Variants in SMARCA2 observed in about 807,000 individuals in gnomAD.
SMARCA2 encodes the protein SWI/SNF-related matrix-associated actin-dependent regulator of chromatin subfamily A member 2.
SMARCA2 carries 61 observed loss-of-function variants against 199.8 expected under a neutral mutation model. That is an observed-to-expected ratio of 0.31 (90% confidence interval 0.25 to 0.38). The LOEUF (loss-of-function observed/expected upper bound fraction) is 0.38. SMARCA2 is among the 10% of genes least tolerant of loss of function. The probability of loss-of-function intolerance (pLI) is 1.00; values close to 1 mark genes in which losing one functional copy is unlikely to be tolerated. For synonymous variants in SMARCA2, 935 were observed against 732.0 expected, an observed-to-expected ratio of 1.28 and a Z score of -4.48; for missense variants, 1,344 against 2,012.2, an observed-to-expected ratio of 0.67 and a Z score of 6.35.
chr9:2,126,184 T>C (rs538612306), intron 27 of SMARCA2, among the ~76,000 whole-genome samples: 1 of 152,372 alleles, frequency 6.6e-6, no homozygotes, highest in Admixed American at 6.5e-5. Flanking sequence ...AATGGAAAAT[T>C]AGTTTGTTTT....
chr9:2,064,994 C>G (rs1820766918), intron 9 of SMARCA2, among the ~76,000 whole-genome samples: 1 of 152,140 alleles, frequency 6.6e-6, no homozygotes, highest in Non-Finnish European at 1.5e-5. Flanking sequence ...ACCATCCTGG[C>G]TAACATGTTG....
At chr9:2,167,261 G>A (rs1268436351) in intron 28 of SMARCA2, among the ~76,000 whole-genome samples, 2 of 152,166 alleles carry the variant, frequency 1.3e-5, no homozygotes, top group African/African-American at 4.8e-5. Context: ...CTCTTATCAG[G>A]AGCTTTTGTT....
In SMARCA2 at chr9:2,058,470, GA is replaced by G. The variant is rs1280755788; in HGVS notation, c.1521+8del. 14 of 1,613,200 alleles carry G rather than the reference GA, an allele frequency of 8.7e-6. No homozygotes were observed. The highest frequency in any genetic ancestry group is 1.2e-5 in the Non-Finnish European group (14 of 1,179,474). ...AGAGAATGCGGCGACTGATGGTAAG[GA>G]ACTCCCTGCAGGAGCCCAGGAAACT... is the stretch of plus-strand genomic sequence containing the variant. On this transcript the variant is annotated splice_region_variant and intron_variant, in intron 8 of 33. Transcript: ENST00000349721.
chr9:2,032,880 G>T, intron 2 of SMARCA2, 72 bp from the exon 3 acceptor site: 2 of 1,385,928 alleles, frequency 1.4e-6, no homozygotes, highest in Non-Finnish European at 2.0e-6. Flanking sequence ...ACTTAGGAAG[G>T]GGTCTGAAAA....
chr9:2,151,724 C>T lies in SMARCA2; in HGVS notation c.3982-9962C>T, dbSNP rs1699835649. On this transcript the variant is annotated intron_variant, in intron 27 of 33. Coordinates refer to ENST00000349721, the MANE Select transcript of SMARCA2 (RefSeq NM_003070.5). ...TTCCAGCCTGGGTGACAGAGCAAGA[C>T]TTCGTATCAAAAATAAAAAATAAAT... 2.0e-5 allele frequency among the ~76,000 whole-genome samples: 3 copies of T among 151,910 alleles called. No homozygotes were observed. In the South Asian group the frequency reaches 6.2e-4, roughly 32 times the overall value.
At chr9:2,103,847 G>A (rs1224698195) in intron 22 of SMARCA2, among the ~76,000 whole-genome samples, 156 bp from the exon 23 acceptor site, 2 of 151,974 alleles carry the variant, frequency 1.3e-5, no homozygotes, top group African/African-American at 4.8e-5. Context: ...TATTCTCATT[G>A]CTTTGGAGTT....
intron 27 of SMARCA2, among the ~76,000 whole-genome samples, chr9:2,124,941 T>G (rs77205698): frequency 6.6e-6 from 1 of 152,150 alleles, no homozygotes; most frequent in East Asian, 1.9e-4. Flanking sequence ...TGTAGTTGGG[T>G]AAAAACCAAG....
Position 2,182,265 on chromosome 9 carries a change from A to G in SMARCA2, c.4461+23A>G, listed in dbSNP as rs200716110. 40 of 1,445,904 alleles carry G rather than the reference A, an allele frequency of 2.8e-5. No homozygotes were observed. In the African/African-American group the frequency reaches 5.2e-4, roughly 19 times the overall value. 89.6% of individuals were successfully genotyped at this position (1,445,904 alleles called of 1,614,324 possible). A position where few individuals can be genotyped will look rare whatever the true frequency, so the allele number is the denominator to read the frequency against. On this transcript the variant is annotated intron_variant, in intron 31 of 33. Transcript: ENST00000349721. ...CAGGTCTGTCTTGTTAAGTTGTCTAAAAGTTCTTAACTGTAAATGTGCCCG... is the reference window on the plus strand; with the variant it reads ...CAGGTCTGTCTTGTTAAGTTGTCTAGAAGTTCTTAACTGTAAATGTGCCCG...
intron 14 of SMARCA2, among the ~76,000 whole-genome samples, chr9:2,080,505 C>G (rs1821520343): frequency 6.6e-6 from 1 of 152,178 alleles, no homozygotes; most frequent in African/African-American, 2.4e-5. Context: ...ATTTAGTTGA[C>G]TTTTCTAAAG....
At chr9:2,097,200 A>G (rs763415679) in intron 20 of SMARCA2, 185 bp from the exon 21 acceptor site, 11 of 539,036 alleles carry the variant, frequency 2.0e-5, no homozygotes, top group Non-Finnish European at 3.3e-5. Flanking sequence ...GTTAATCACA[A>G]GAAAGACATT....
At chr9:2,088,413 T>C (rs1462098704) in intron 18 of SMARCA2, 87 bp from the exon 19 acceptor site, 1 of 1,437,782 alleles carries the variant, frequency 7.0e-7, no homozygotes, top group Non-Finnish European at 9.2e-7. Context: ...AATCATGTAT[T>C]GAACCACACA....
chr9:2,097,820 T>G (rs1338215985), intron 21 of SMARCA2, among the ~76,000 whole-genome samples: 2 of 152,228 alleles, frequency 1.3e-5, no homozygotes, highest in African/African-American at 4.8e-5. Flanking sequence ...GATAAATACA[T>G]TCAGCTTCCT....
chr9:2,061,094 A>G (rs1218364433), intron 9 of SMARCA2, 108 bp downstream of exon 9: 1 of 1,074,010 alleles, frequency 9.3e-7, no homozygotes, highest in South Asian at 1.6e-5. Context: ...TGGAAGGTTT[A>G]GATGATTGAA....
At position 2,135,727 on chromosome 9, in the gene SMARCA2, G is replaced by A. The variant is rs549648236; in HGVS notation, c.3981+11790G>A. On this transcript the variant is annotated intron_variant, in intron 27 of 33. Coordinates refer to ENST00000349721, the MANE Select transcript of SMARCA2 (RefSeq NM_003070.5). ...TGGCTACTTCTTTGTATTTTTAGTAGAGATGGGGTTTCGCCATGTTGGTCA... is the reference window on the plus strand; with the variant it reads ...TGGCTACTTCTTTGTATTTTTAGTAAAGATGGGGTTTCGCCATGTTGGTCA... Among the ~76,000 whole-genome samples the A allele has an allele frequency of 3.3e-5, 5 of 152,248 alleles. No homozygotes were observed. The East Asian group carries it at 9.6e-4, about 29-fold the overall frequency.
chr9:2,159,992 C>A, intron 27 of SMARCA2: 1 of 1,530,554 alleles, frequency 6.5e-7, no homozygotes, highest in South Asian at 1.2e-5. Flanking sequence ...ACATCAAAAG[C>A]CGGTGTTCTC....
chr9:2,016,708 G>T lies in SMARCA2; in HGVS notation c.-37+1304G>T, dbSNP rs957600647. Among the ~76,000 whole-genome samples the T allele has an allele frequency of 6.6e-6, 1 of 152,050 alleles. No homozygotes were observed. The highest frequency in any genetic ancestry group is 1.5e-5 in the Non-Finnish European group (1 of 67,980). On this transcript the variant is annotated intron_variant, in intron 1 of 33. Coordinates refer to ENST00000349721, the MANE Select transcript of SMARCA2 (RefSeq NM_003070.5). The surrounding 1 kb of genome is among the most constrained non-coding windows in gnomAD (Gnocchi z 5.6). Reference sequence around the variant, plus strand: ...GGCGAGGGCGGGAGGCGGGGAGACCGGGTAGGAGCCTCCTCCCAACGATGA... The same window carrying T: ...GGCGAGGGCGGGAGGCGGGGAGACCTGGTAGGAGCCTCCTCCCAACGATGA...
At chr9:2,174,511 C>T (rs1445163895) in intron 29 of SMARCA2, among the ~76,000 whole-genome samples, 2 of 152,136 alleles carry the variant, frequency 1.3e-5, no homozygotes, top group African/African-American at 2.4e-5. Flanking sequence ...AACAAAGCAG[C>T]GTGTGGGACT....
chr9:2,181,717 A>C (rs776305276), intron 30 of SMARCA2, 41 bp downstream of exon 30: 42 of 1,041,634 alleles, frequency 4.0e-5, no homozygotes, highest in Non-Finnish European at 6.4e-5. Context: ...CAAGTAAATA[A>C]AGGAGCAGTG....
chr9:2,176,877 C>G (rs1191572644), intron 29 of SMARCA2, among the ~76,000 whole-genome samples: 1 of 152,126 alleles, frequency 6.6e-6, no homozygotes, highest in Non-Finnish European at 1.5e-5. Flanking sequence ...ATTTTAACAG[C>G]TACTGATTCC....
Sources: allele counts gnomAD v4.1 joint callset (sites outside exome capture counted in the v4.1 genomes callset), GRCh38; gene constraint gnomAD v4.1.1; non-coding constraint Gnocchi (gnomAD v3.1); transcripts MANE v1.5; gene names NCBI Gene and HGNC (gene_info 2026-07-23, HGNC 2026-07-21).